Variants in ACOT12 observed in about 807,000 individuals in gnomAD.
The protein encoded by ACOT12 is acyl-CoA thioesterase 12, also known as acetyl-coenzyme A thioesterase.
A neutral mutation model predicts 67.7 loss-of-function variants in ACOT12; 51 were observed. That is an observed-to-expected ratio of 0.75 (90% CI 0.60 to 0.95). The LOEUF (loss-of-function observed/expected upper bound fraction) is 0.95. Ranked by LOEUF, ACOT12 falls within the 40% of genes least tolerant of loss-of-function variation. ACOT12 has a pLI of 0.00. For missense variants in ACOT12, 734 were observed against 708.1 expected (o/e 1.04, Z -0.41); for synonymous variants, 251 against 244.6 (o/e 1.03, Z -0.24).
chr5:81,346,020 G>A lies in ACOT12; in HGVS notation c.654-16C>T. On this transcript the variant is annotated splice_polypyrimidine_tract_variant and intron_variant, in intron 6 of 14. Transcript: ENST00000307624. ...ACACAGGCGGCTGGGGAGACAAAGG[G>A]AGGGAGAGAGAAGAAAGCGATCACA... The A allele has an allele frequency of 6.2e-7, 1 of 1,611,720 alleles. No individual in the cohort carries two copies. Among genetic ancestry groups the A allele is most frequent in the South Asian group, 1.1e-5 (1 of 90,488 alleles).
chr5:81,353,062 A>G (rs530995505), intron 5 of ACOT12, among the ~76,000 whole-genome samples: 1 of 152,360 alleles, frequency 6.6e-6, no homozygotes, highest in African/African-American at 2.4e-5. Flanking sequence ...TATGAGAGAC[A>G]TTGTAAAGAC....
downstream of ACOT12, among the ~76,000 whole-genome samples, chr5:81,327,072 T>C (rs1758689830): frequency 6.6e-6 from 1 of 151,980 alleles, no homozygotes; most frequent in Non-Finnish European, 1.5e-5. Flanking sequence ...AGACTATCCT[T>C]ATAACTATGC....
At chr5:81,321,784 T>C in the ACOT12 span, among the ~76,000 whole-genome samples, 1 of 151,980 alleles carries the variant, frequency 6.6e-6, no homozygotes, top group Non-Finnish European at 1.5e-5. Context: ...CCGACACTAC[T>C]AAAATACAAA....
chr5:81,325,811 T>C (rs1561315610), downstream of ACOT12, among the ~76,000 whole-genome samples: 1 of 152,134 alleles, frequency 6.6e-6, no homozygotes, highest in Non-Finnish European at 1.5e-5. Flanking sequence ...TCTTGCTTTC[T>C]CTTTTTAGAG....
intron 13 of ACOT12, 86 bp from the exon 14 acceptor site, chr5:81,331,026 A>C: frequency 7.1e-7 from 1 of 1,407,898 alleles, no homozygotes; most frequent in Non-Finnish European, 9.4e-7. Context: ...CAATTTACTT[A>C]TACAGGTAGA....
the ACOT12 span, chr5:81,308,672 G>A: frequency 7.4e-6 from 12 of 1,613,196 alleles, 1 homozygote; most frequent in South Asian, 9.9e-5. Flanking sequence ...CACAGAGCAC[G>A]AAATAACCAA....
At chr5:81,320,929 T>C in the ACOT12 span, among the ~76,000 whole-genome samples, 2 of 152,154 alleles carry the variant, frequency 1.3e-5, no homozygotes, top group African/African-American at 4.8e-5. Context: ...ACAGATTCAG[T>C]GTCTGTGAAG....
chr5:81,367,773 T>C (rs1189594167), intron 3 of ACOT12, among the ~76,000 whole-genome samples: 1 of 152,066 alleles, frequency 6.6e-6, no homozygotes, highest in Non-Finnish European at 1.5e-5. Context: ...AAGGCAGAGA[T>C]TGTTAGAATA....
intron 10 of ACOT12, 25 bp downstream of exon 10, chr5:81,343,793 A>G: frequency 6.2e-7 from 1 of 1,609,300 alleles, no homozygotes; most frequent in Non-Finnish European, 8.5e-7. Context: ...TTTTATATGA[A>G]GAGCTCCAAA....
intron 4 of ACOT12, among the ~76,000 whole-genome samples, chr5:81,362,717 T>G (rs935152338): frequency 2.0e-5 from 3 of 152,136 alleles, no homozygotes; most frequent in African/African-American, 7.2e-5. Flanking sequence ...TGTCTCAGAT[T>G]TTAGTGAACA....
the ACOT12 span, chr5:81,312,752 C>T: frequency 1.1e-6 from 1 of 916,512 alleles, no homozygotes; most frequent in Non-Finnish European, 1.7e-6. Context: ...CCCCTGTAGC[C>T]AGGACTATGC....
rs192676387 is a variant in ACOT12, at chr5:81,382,084, A to G, written c.197+3673T>C. Among the ~76,000 whole-genome samples the G allele has an allele frequency of 4.3e-4, 66 of 152,350 alleles. No homozygotes were observed. In the East Asian group the frequency reaches 0.012, roughly 28 times the overall value. On this transcript the variant is annotated intron_variant, in intron 2 of 14. Transcript: ENST00000307624. ...TATGTCTTTAAATATCATGATATTCAGCATAAAATAAAATTAAAACTCAGA... is the reference window on the plus strand; with the variant it reads ...TATGTCTTTAAATATCATGATATTCGGCATAAAATAAAATTAAAACTCAGA...
the ACOT12 span, among the ~76,000 whole-genome samples, chr5:81,310,571 C>G: frequency 6.6e-6 from 1 of 152,052 alleles, no homozygotes; most frequent in East Asian, 1.9e-4. Flanking sequence ...AATGCTTGAC[C>G]ATTAAGCAAT....
Position 81,363,804 on chromosome 5 carries a change from G to A in ACOT12, c.344C>T (p.Pro115Leu), listed in dbSNP as rs907563966. The stretch of plus-strand genomic sequence containing the variant: ...AAAATTTACCTTTTCTTTTCCAACT[G>A]GTTTGGCTACAAATGTGGAGAAAGC... ...SVAFSTFVAK[P>L]VGKEKIHLKP... The change falls in exon 4 of 15, where the codon CCA (proline) becomes CTA (leucine). Residue 115 changes from proline to leucine, a missense_variant. Physicochemically the swap from Pro to Leu is moderately conservative, Grantham distance 98 (BLOSUM62 -3). Transcript: ENST00000307624. The A allele has an allele frequency of 1.2e-5, 20 of 1,608,678 alleles. No individual in the cohort carries two copies. The highest frequency in any genetic ancestry group is 1.7e-5 in the Non-Finnish European group (20 of 1,177,520).
At chr5:81,382,377 A>G (rs1401464304) in intron 2 of ACOT12, among the ~76,000 whole-genome samples, 1 of 152,148 alleles carries the variant, frequency 6.6e-6, no homozygotes, top group East Asian at 1.9e-4. Flanking sequence ...AGACTGAAAC[A>G]TTTTATACCA....
chr5:81,333,301 G>T (rs1335619472), intron 12 of ACOT12, among the ~76,000 whole-genome samples: 2 of 152,200 alleles, frequency 1.3e-5, no homozygotes, highest in African/African-American at 2.4e-5. Flanking sequence ...TGTTTATATA[G>T]ATAAAGAAAT....
At chr5:81,393,892 G>C (rs1409904546) in intron 1 of ACOT12, 96 bp downstream of exon 1, 1 of 1,226,358 alleles carries the variant, frequency 8.2e-7, no homozygotes, top group African/African-American at 1.6e-5. Context: ...CTCTCCGCAA[G>C]TACCTTCCTC....
At chr5:81,390,095 C>T (rs975542106) in intron 1 of ACOT12, among the ~76,000 whole-genome samples, 1 of 150,332 alleles carries the variant, frequency 6.7e-6, no homozygotes, top group African/African-American at 2.5e-5. Flanking sequence ...GCTGGGACTA[C>T]AGGTACATGC....
chr5:81,373,160 G>A (rs1760305412), intron 2 of ACOT12, among the ~76,000 whole-genome samples: 2 of 152,166 alleles, frequency 1.3e-5, no homozygotes, highest in Non-Finnish European at 2.9e-5. Context: ...TTCCAAATGA[G>A]GTACCCAGTT....
Sources: gnomAD v4.1 joint callset for allele counts (sites outside exome capture counted in the v4.1 genomes callset) on GRCh38, gnomAD v4.1.1 for gene constraint, MANE v1.5 for transcripts, NCBI Gene and HGNC (gene_info 2026-07-23, HGNC 2026-07-21) for gene names.